RNF123: variants seen among roughly 807,000 people sequenced by gnomAD.
The protein encoded by RNF123 is E3 ubiquitin-protein ligase RNF123.
A neutral mutation model predicts 168.5 loss-of-function variants in RNF123; 86 were observed. The ratio of observed to expected loss-of-function variants is 0.51; its 90% CI spans 0.43 to 0.61. RNF123 has a LOEUF of 0.61. Ranked by LOEUF, RNF123 falls within the 20% of genes least tolerant of loss-of-function variation. The pLI is 0.00. For missense variants in RNF123, 1,419 were observed against 1,729.7 expected (o/e 0.82, Z 3.19); for synonymous variants, 666 against 689.1 (o/e 0.97, Z 0.52).
chr3:49,700,418 G>A lies in RNF123; in HGVS notation c.1111-54G>A, dbSNP rs1343674342. 8.7e-6 allele frequency: 14 copies of A among 1,611,912 alleles called. No individual in the cohort carries two copies. The Admixed American group carries it at 2.3e-4, about 27-fold the overall frequency. On this transcript the variant is annotated intron_variant, in intron 13 of 38. Transcript: ENST00000327697. ...CTTCACTGGGGTCGGGAAGATACGG[G>A]GAGAATCTTGGAAAAGGCCCCAGTC...
Position 49,701,509 on chromosome 3 carries a change from C to A in RNF123, c.1296C>A (p.Ser432=). 6.2e-7 allele frequency: 1 copy of A among 1,613,742 alleles called. No individual in the cohort carries two copies. The highest frequency in any genetic ancestry group is 8.5e-7 in the Non-Finnish European group (1 of 1,179,988). ...CCGCCAGCTTCGACGTGCTCCGCTC[C>A]GTCGTCTTCTTTTACATCAAGAGCC... ...LSNVLFDVLR[S]VVFFYIKSPL... is the part of the protein sequence containing the mutation. Residue 432 remains serine, a synonymous_variant, in exon 16 of 39, where the codon TCC becomes TCA. Transcript: ENST00000327697.
In RNF123 at chr3:49,717,985, C is replaced by G. The variant is rs1165618881; in HGVS notation, c.3500+1508C>G. On this transcript the variant is annotated intron_variant, in intron 35 of 38. Coordinates refer to ENST00000327697, the MANE Select transcript of RNF123 (RefSeq NM_022064.5). Reference sequence around the variant, plus strand: ...CATGGGACCCTCGGAGCCTATGGAGCTGGCGGACTCAGAGCCAGCCTTCAG... The same window carrying G: ...CATGGGACCCTCGGAGCCTATGGAGGTGGCGGACTCAGAGCCAGCCTTCAG... The G allele has an allele frequency of 1.9e-6, 3 of 1,613,430 alleles. No individual in the cohort carries two copies. The East Asian group carries it at 6.7e-5, about 36-fold the overall frequency.
chr3:49,719,632 T>C, intron 35 of RNF123: 1 of 621,966 alleles, frequency 1.6e-6, no homozygotes, highest in Non-Finnish European at 2.8e-6. Context: ...TCCCAGGTTG[T>C]GAGGCGGTGC....
chr3:49,719,642 C>G, intron 35 of RNF123: 2 of 600,716 alleles, frequency 3.3e-6, no homozygotes, highest in Admixed American at 6.7e-5. Context: ...TGAGGCGGTG[C>G]GGCACTCTTA....
In RNF123 at chr3:49,721,119, A is replaced by G; in HGVS notation, c.3824+14A>G. On this transcript the variant is annotated intron_variant, in intron 38 of 38. Transcript: ENST00000327697. ...CAAGTCCTGCAAGTAAGTGGGCCCC[A>G]CAGCTTGGTGGTGGGGAGAGCAGTA... 6.2e-7 allele frequency: 1 copy of G among 1,613,910 alleles called. No individual in the cohort carries two copies. Among genetic ancestry groups the G allele is most frequent in the South Asian group, 1.1e-5 (1 of 91,066 alleles).
intron 26 of RNF123, 103 bp downstream of exon 26, chr3:49,707,001 G>T: frequency 1.2e-6 from 1 of 844,122 alleles, no homozygotes; most frequent in Non-Finnish European, 2.0e-6. Context: ...TCAGGCCTCT[G>T]GCACACACAT....
chr3:49,716,166 T>C lies in RNF123; in HGVS notation c.3404T>C (p.Leu1135Pro). The C allele has an allele frequency of 6.2e-7, 1 of 1,613,550 alleles. No individual in the cohort carries two copies. Among genetic ancestry groups the C allele is most frequent in the Non-Finnish European group, 8.5e-7 (1 of 1,179,848 alleles). Residue 1135 changes from leucine (L) to proline (P), a missense_variant, in exon 34 of 39, where the codon CTA becomes CCA. Leu to Pro is a moderately conservative substitution (Grantham distance 98). Transcript: ENST00000327697. ...AACCTGTTTGATCGTGTGGTCACCC[T>C]ACGGCTGCCTGGTGAGGACCTAGAT... is the stretch of plus-strand genomic sequence containing the variant. ...ERNLFDRVVT[L>P]RLPGLESVDH...
rs1346820474 is a variant in RNF123, at chr3:49,703,655, TCAGG to T, written c.1852+132_1852+135del. On this transcript the variant is annotated intron_variant, in intron 21 of 38. Transcript: ENST00000327697. ...AGGGTGCCCAAGTCTTTCCACCCAC[TCAGG>T]CAGGGAGACACTGATCTGCCTGCCC... 1.0e-5 allele frequency: 7 copies of T among 686,328 alleles called. No individual in the cohort carries two copies. In the Admixed American group the frequency reaches 1.1e-4, roughly 11 times the overall value. The allele number at this position is 686,328 out of a possible 1,614,324, so 42.5% of individuals were successfully genotyped here.
chr3:49,721,032 G>A lies in RNF123; in HGVS notation c.3751G>A (p.Glu1251Lys), dbSNP rs757051847. The change falls in exon 38 of 39, where the codon GAG becomes AAG. Residue 1251 changes from glutamate (E) to lysine (K), a missense_variant. Physicochemically the swap from Glu to Lys is moderately conservative, Grantham distance 56 (BLOSUM62 1). This residue lies in a region of RNF123 where 164 missense variants were observed against 152.3 expected (regional missense o/e 1.08). Transcript: ENST00000327697. The part of the protein sequence containing the change: ...AAAASLPTSE[E>K]DLCPICYAHP... Reference sequence around the variant, plus strand: ...CTCCTCCCTGCAGCCCACCAGTGAGGAGGACCTCTGCCCCATCTGCTATGC... The same window carrying A: ...CTCCTCCCTGCAGCCCACCAGTGAGAAGGACCTCTGCCCCATCTGCTATGC... The A allele has an allele frequency of 6.2e-7, 1 of 1,612,472 alleles. No individual in the cohort carries two copies. The highest frequency in any genetic ancestry group is 8.5e-7 in the Non-Finnish European group (1 of 1,178,920).
rs2054364763 is a variant in RNF123 at position 49,700,693 on chromosome 3, C to T, written c.1261C>T (p.Leu421=). ...GAGGCATGAGAAGTCCCGCAAGTTT[C>T]TGCTTAGCAATGTCCTGTATCCTTT... ...ILRHEKSRKF[L]LSNVLFDVLR... The change falls in exon 15 of 39, where the codon CTG becomes TTG. Residue 421 remains leucine (L), a synonymous_variant. Coordinates refer to ENST00000327697, the MANE Select transcript of RNF123 (RefSeq NM_022064.5). The T allele has an allele frequency of 6.2e-7, 1 of 1,614,224 alleles. No homozygotes were observed. Among genetic ancestry groups the T allele is most frequent in the East Asian group, 2.2e-5 (1 of 44,874 alleles).
chr3:49,712,388 C>A, intron 26 of RNF123, 91 bp from the exon 27 acceptor site: 1 of 1,286,508 alleles, frequency 7.8e-7, no homozygotes, highest in Admixed American at 2.0e-5. Flanking sequence ...TGTCGTAGGC[C>A]TGGGGAGGCC....
At chr3:49,718,757 G>A (rs367832292) in intron 35 of RNF123, 2 of 1,613,242 alleles carry the variant, frequency 1.2e-6, no homozygotes, top group Non-Finnish European at 1.7e-6. Context: ...CTCAGGCCCC[G>A]CTGGTGCCAG....
chr3:49,691,218 C>G lies in RNF123; in HGVS notation c.53C>G (p.Thr18Ser). Residue 18 changes from threonine to serine, a missense_variant, in exon 2 of 39, where the codon ACC becomes AGC. This residue lies in a region of RNF123 where 318 missense variants were observed against 446.6 expected (regional missense o/e 0.71). Transcript: ENST00000327697. ...MSFSRKSYRL[T>S]SDAEKSRVTG... Reference sequence around the variant, plus strand: ...TTCTCCCGCAAGAGCTATAGGCTGACCTCAGATGCTGAGAAATCCAGGGTC... The same window carrying G: ...TTCTCCCGCAAGAGCTATAGGCTGAGCTCAGATGCTGAGAAATCCAGGGTC... 6.2e-7 allele frequency: 1 copy of G among 1,613,954 alleles called. No individual in the cohort carries two copies.
In RNF123 at chr3:49,700,486, A is replaced by G. The variant is rs2054359403; in HGVS notation, c.1125A>G (p.Gln375=). The G allele has an allele frequency of 6.2e-7, 1 of 1,614,136 alleles. No individual in the cohort carries two copies. Among genetic ancestry groups the G allele is most frequent in the Non-Finnish European group, 8.5e-7 (1 of 1,180,002 alleles). Residue 375 remains glutamine, a synonymous_variant, in exon 14 of 39, where the codon CAA becomes CAG. Coordinates refer to ENST00000327697, the MANE Select transcript of RNF123 (RefSeq NM_022064.5). ...LWLFMEDYEV[Q]DCLKQLMMSL... Reference sequence around the variant, plus strand: ...TCTTCCCCCAGGACTACGAGGTACAAGATTGCCTCAAGCAGTTGATGATGT... The same window carrying G: ...TCTTCCCCCAGGACTACGAGGTACAGGATTGCCTCAAGCAGTTGATGATGT...
chr3:49,693,756 C>T (rs2054215141), intron 3 of RNF123, among the ~76,000 whole-genome samples: 1 of 152,182 alleles, frequency 6.6e-6, no homozygotes, highest in South Asian at 2.1e-4. Flanking sequence ...TCCACAACCT[C>T]GCCAGCATTT....
chr3:49,713,079 C>T (rs1341623960), intron 27 of RNF123: 6 of 604,772 alleles, frequency 9.9e-6, no homozygotes, highest in East Asian at 2.8e-5. Flanking sequence ...GGTCCACATC[C>T]GAACCTGGGC....
chr3:49,713,700 A>G (rs1344959411), intron 28 of RNF123, 38 bp from the exon 29 acceptor site: 7 of 1,577,530 alleles, frequency 4.4e-6, no homozygotes, highest in Admixed American at 1.9e-5. Context: ...TCCAGGGCTC[A>G]TGCCAAGCCC....
At chr3:49,709,868 C>T (rs1490031844) in intron 26 of RNF123, among the ~76,000 whole-genome samples, 4 of 152,152 alleles carry the variant, frequency 2.6e-5, no homozygotes, top group East Asian at 1.9e-4. Flanking sequence ...CCACCGCGCC[C>T]GGCCAATTCT....
rs1406121393 is a variant in RNF123, at chr3:49,700,465, C to T, written c.1111-7C>T. On this transcript the variant is annotated splice_region_variant and splice_polypyrimidine_tract_variant and intron_variant, in intron 13 of 38. Transcript: ENST00000327697. ...AGTCATGGCTGCCTTGGCATCTCTT[C>T]CCCCAGGACTACGAGGTACAAGATT... The T allele has an allele frequency of 8.1e-6, 13 of 1,613,642 alleles. No individual in the cohort carries two copies. The highest frequency in any genetic ancestry group is 3.3e-5 in the South Asian group (3 of 91,080).
Sources: allele counts gnomAD v4.1 joint callset (sites outside exome capture counted in the v4.1 genomes callset), GRCh38; gene constraint gnomAD v4.1.1; regional missense constraint gnomAD v4.1.1; transcripts MANE v1.5; gene names NCBI Gene and HGNC (gene_info 2026-07-23, HGNC 2026-07-21).